Variants in PDE10A observed in about 807,000 individuals in gnomAD.
PDE10A encodes the protein cAMP and cAMP-inhibited cGMP 3',5'-cyclic phosphodiesterase 10A.
PDE10A carries 39 observed loss-of-function variants against 97.7 expected under a neutral mutation model. The ratio of observed to expected loss-of-function variants is 0.40; its 90% CI spans 0.31 to 0.52. The LOEUF (loss-of-function observed/expected upper bound fraction) is 0.52. PDE10A is among the 20% of genes least tolerant of loss of function. The probability of loss-of-function intolerance (pLI) is 0.56; values close to 1 mark genes in which losing one functional copy is unlikely to be tolerated. For synonymous variants in PDE10A, 371 were observed against 376.8 expected, an observed-to-expected ratio of 0.98 and a Z score of 0.18; for missense variants, 731 against 1,047.8, an observed-to-expected ratio of 0.70 and a Z score of 4.17.
intron 1 of PDE10A, among the ~76,000 whole-genome samples, chr6:165,708,557 G>T (rs983987813): frequency 6.6e-6 from 1 of 151,650 alleles, no homozygotes; most frequent in South Asian, 2.1e-4. Flanking sequence ...CCACCCCCAC[G>T]CCTGCATCGT....
chr6:165,535,103 T>C (rs1783000608), intron 2 of PDE10A, among the ~76,000 whole-genome samples: 1 of 151,988 alleles, frequency 6.6e-6, no homozygotes, highest in Non-Finnish European at 1.5e-5. Flanking sequence ...AGTTGCAGGA[T>C]ACAAAATCAA....
intron 1 of PDE10A, among the ~76,000 whole-genome samples, chr6:165,595,170 G>T (rs935900109): frequency 1.3e-5 from 2 of 152,158 alleles, no homozygotes; most frequent in Non-Finnish European, 2.9e-5. Flanking sequence ...CTAGCCAGCT[G>T]CAGGGGCCAG....
intron 1 of PDE10A, among the ~76,000 whole-genome samples, chr6:165,595,441 T>C (rs1414575960): frequency 6.6e-6 from 1 of 152,238 alleles, no homozygotes; most frequent in African/African-American, 2.4e-5. Flanking sequence ...TTATCTTTCA[T>C]TGTTCTAGTC....
At position 165,435,343 on chromosome 6, in the gene PDE10A, T is replaced by C. The variant is rs759505643; in HGVS notation, c.1229A>G (p.Glu410Gly). 1.2e-6 allele frequency: 2 copies of C among 1,614,026 alleles called. No individual in the cohort carries two copies. Among genetic ancestry groups the C allele is most frequent in the South Asian group, 2.2e-5 (2 of 91,070 alleles). Residue 410 changes from glutamate (E) to glycine (G), a missense_variant, in exon 6 of 22, where the codon GAA becomes GGA. Glu to Gly is a moderately conservative substitution (Grantham distance 98, BLOSUM62 -2). Around this residue, in one of 8 missense-constraint regions of PDE10A, gnomAD observed 152 missense variants for 199.3 expected, o/e 0.76. Coordinates refer to ENST00000539869, the MANE Select transcript of PDE10A (RefSeq NM_001385079.1). ...LCIFTPPGIK[E>G]GKPRLIPAGP... ...AGCAGGGATGAGGCGGGGTTTTCCT[T>C]CCTTTATCCCAGGTGGCGTGAATAT...
intron 18 of PDE10A, among the ~76,000 whole-genome samples, chr6:165,372,558 A>C (rs1260473806): frequency 6.7e-6 from 1 of 149,208 alleles, no homozygotes; most frequent in African/African-American, 2.5e-5. Flanking sequence ...ACGACAAACC[A>C]CTGCTCAATG....
At chr6:165,460,611 C>T (rs373291721) in intron 3 of PDE10A, among the ~76,000 whole-genome samples, 1 of 152,154 alleles carries the variant, frequency 6.6e-6, no homozygotes, top group Non-Finnish European at 1.5e-5. Flanking sequence ...CCAATTCAAC[C>T]CGCTCAATTT....
In PDE10A at chr6:165,450,309, T is replaced by C; in HGVS notation, c.1077A>G (p.Glu359=). Residue 359 remains glutamate (E), a synonymous_variant, in exon 4 of 22, where the codon GAA becomes GAG. Transcript: ENST00000539869. ...GVVYELNSYI[E]QRLDTGGDNQ... is the part of the protein sequence containing the mutation. The stretch of plus-strand genomic sequence containing the variant: ...TGTCTCCTCCTGTGTCCAACCGTTG[T>C]TCTATATAGCTGTTTAGTTCATATA... 1.3e-6 allele frequency: 2 copies of C among 1,596,606 alleles called. No individual in the cohort carries two copies. The highest frequency in any genetic ancestry group is 1.7e-6 in the Non-Finnish European group (2 of 1,164,936).
At chr6:165,367,640 G>T (rs938673699) in intron 18 of PDE10A, among the ~76,000 whole-genome samples, 1 of 136,796 alleles carries the variant, frequency 7.3e-6, no homozygotes, top group African/African-American at 3.0e-5. Context: ...AACAACTGCT[G>T]ACTTTTCCCC....
At chr6:165,444,174 TGTCAGCATTTTC>T (rs987732872) in intron 5 of PDE10A, among the ~76,000 whole-genome samples, 79 of 152,332 alleles carry the variant, frequency 5.2e-4, no homozygotes, top group African/African-American at 1.8e-3. Context: ...TCCGTATCAC[TGTCAGCATTTTC>T]GTCACAACCA....
chr6:165,718,641 C>T (rs1321879693), intron 1 of PDE10A, among the ~76,000 whole-genome samples: 1 of 151,958 alleles, frequency 6.6e-6, no homozygotes, highest in Non-Finnish European at 1.5e-5. Flanking sequence ...CCCGAACCCC[C>T]ACCTTTTCCC....
chr6:165,957,724 T>G (rs1300239858), intron 1 of PDE10A, among the ~76,000 whole-genome samples: 1 of 152,124 alleles, frequency 6.6e-6, no homozygotes, highest in East Asian at 1.9e-4. Context: ...ATGTCCCAAG[T>G]GTAAGAAATA....
chr6:165,947,932 T>C (rs185126521), intron 1 of PDE10A, among the ~76,000 whole-genome samples: 124 of 152,268 alleles, frequency 8.1e-4, no homozygotes, highest in African/African-American at 2.9e-3. Flanking sequence ...TCAAACAGAC[T>C]GGAATGGCAT....
rs1208971214 is a variant in PDE10A, at chr6:165,392,831, G to A, written c.2304-35C>T. ...AAAGAAATTGTTATGACTGAAACCA[G>A]TAGAGAATCACTATGTTGTAGGAGA... On this transcript the variant is annotated intron_variant, in intron 15 of 21. Transcript: ENST00000539869. 3 of 1,601,832 alleles carry A rather than the reference G, an allele frequency of 1.9e-6. No homozygotes were observed. The African/African-American group carries it at 4.0e-5, about 21-fold the overall frequency.
chr6:165,718,848 G>A (rs1442906477), intron 1 of PDE10A, among the ~76,000 whole-genome samples: 2 of 152,144 alleles, frequency 1.3e-5, no homozygotes, highest in African/African-American at 4.8e-5. Context: ...CAACAAGAAT[G>A]ACTGAGGCTA....
chr6:165,591,103 A>G (rs1786236655), intron 1 of PDE10A, among the ~76,000 whole-genome samples: 1 of 152,162 alleles, frequency 6.6e-6, no homozygotes, highest in Non-Finnish European at 1.5e-5. Context: ...AGGTATTTTT[A>G]TTGGGAAAAA....
intron 10 of PDE10A, among the ~76,000 whole-genome samples, chr6:165,420,480 A>C (rs550010391): frequency 2.3e-4 from 35 of 152,232 alleles, no homozygotes; most frequent in Admixed American, 1.4e-3. Context: ...TGGCAAATAC[A>C]GAAGAATCAC....
chr6:165,465,920 C>T (rs752541649), intron 3 of PDE10A, among the ~76,000 whole-genome samples: 13 of 151,920 alleles, frequency 8.6e-5, no homozygotes, highest in Non-Finnish European at 1.5e-4. Context: ...TTAAAGAATG[C>T]TAGCACAGAT....
intron 1 of PDE10A, among the ~76,000 whole-genome samples, chr6:165,608,728 A>C (rs1787347881): frequency 6.6e-6 from 1 of 152,204 alleles, no homozygotes; most frequent in South Asian, 2.1e-4. Flanking sequence ...AGTCCCACCA[A>C]CAGTGTAAAA....
chr6:165,357,321 T>C (rs1055610004), intron 18 of PDE10A, among the ~76,000 whole-genome samples: 5 of 152,200 alleles, frequency 3.3e-5, no homozygotes, highest in African/African-American at 4.8e-5. Flanking sequence ...ATGAGTTTTA[T>C]AGTTAGATCC....
Sources: gnomAD v4.1 joint callset for allele counts (sites outside exome capture counted in the v4.1 genomes callset) on GRCh38, gnomAD v4.1.1 for gene constraint, gnomAD v4.1.1 regional missense constraint, MANE v1.5 for transcripts, NCBI Gene and HGNC (gene_info 2026-07-23, HGNC 2026-07-21) for gene names.